The following CLIC5 variants were observed in gnomAD, a reference collection of about 807,000 sequenced individuals.
CLIC5 encodes CLIC family member 5.
Under a neutral mutation model 24.7 loss-of-function variants are expected in CLIC5, and 20 were observed. The ratio of observed to expected loss-of-function variants is 0.81; its 90% confidence interval spans 0.57 to 1.18. CLIC5 has a LOEUF of 1.18. CLIC5 is among the 50% of genes most tolerant of loss of function. The pLI is 0.00. For synonymous variants in CLIC5, 159 were observed against 135.6 expected, an observed-to-expected ratio of 1.17 and a Z score of -1.20; for missense variants, 341 against 326.1, an observed-to-expected ratio of 1.05 and a Z score of -0.35.
At chr6:46,047,919 C>T (rs1352078175) in intron 1 of CLIC5, among the ~76,000 whole-genome samples, 1 of 151,694 alleles carries the variant, frequency 6.6e-6, no homozygotes, top group Non-Finnish European at 1.5e-5. Flanking sequence ...TTTTTGATAT[C>T]TGTGGTATAT....
intron 1 of CLIC5, among the ~76,000 whole-genome samples, chr6:46,064,557 A>G (rs1762389168): frequency 6.6e-6 from 1 of 152,184 alleles, no homozygotes; most frequent in African/African-American, 2.4e-5. Context: ...CATTCTACAT[A>G]TCAACAACAT....
At chr6:45,949,117 C>G (rs1764382411) in intron 3 of CLIC5, 139 bp downstream of exon 3, 2 of 1,167,780 alleles carry the variant, frequency 1.7e-6, no homozygotes, top group African/African-American at 3.1e-5. Flanking sequence ...CCTAGGCTCT[C>G]TCTTTGAAGA....
At chr6:45,959,426 T>C (rs770207005) in intron 1 of CLIC5, among the ~76,000 whole-genome samples, 82 of 152,240 alleles carry the variant, frequency 5.4e-4, no homozygotes, top group Non-Finnish European at 8.2e-4. Context: ...AGTGGCAATG[T>C]TTTATATTTT....
chr6:45,938,407 C>T (rs943900074), intron 4 of CLIC5, among the ~76,000 whole-genome samples: 7 of 151,972 alleles, frequency 4.6e-5, no homozygotes, highest in African/African-American at 1.7e-4. Flanking sequence ...GGAGGAAGGA[C>T]AAGTAAAGAG....
At chr6:45,925,331 T>G (rs1561937480) in intron 4 of CLIC5, among the ~76,000 whole-genome samples, 1 of 151,866 alleles carries the variant, frequency 6.6e-6, no homozygotes, top group Non-Finnish European at 1.5e-5. Flanking sequence ...TTTTTTTTTT[T>G]TTTGAGATAG....
At chr6:45,940,962 T>C (rs1764108627) in intron 4 of CLIC5, among the ~76,000 whole-genome samples, 1 of 152,214 alleles carries the variant, frequency 6.6e-6, no homozygotes, top group Non-Finnish European at 1.5e-5. Flanking sequence ...AACCAAGTCC[T>C]GAATTCTGTA....
chr6:46,040,269 G>A (rs1767770124), intron 1 of CLIC5, among the ~76,000 whole-genome samples: 1 of 152,120 alleles, frequency 6.6e-6, no homozygotes, highest in South Asian at 2.1e-4. Flanking sequence ...GTTTGTTGGT[G>A]GTGTTGTTGA....
chr6:45,975,594 G>A lies in CLIC5; in HGVS notation c.64-20350C>T, dbSNP rs369306292. ...TTTCTGTCTAGGTCTCTATCAATAT[G>A]GACATTTATTTTAAATATATATGTA... On this transcript the variant is annotated intron_variant, in intron 1 of 5. Transcript: ENST00000339561. Among the ~76,000 whole-genome samples, 103 of 152,028 alleles carry A rather than the reference G, an allele frequency of 6.8e-4. 1 individual carries two copies. The South Asian group carries it at 0.019, about 28-fold the overall frequency.
intron 5 of CLIC5, among the ~76,000 whole-genome samples, chr6:45,911,425 G>C (rs1248197086): frequency 6.6e-6 from 1 of 152,182 alleles, no homozygotes; most frequent in Admixed American, 6.5e-5. Context: ...TTCACTGAAA[G>C]ATGATGATCC....
chr6:45,920,115 C>G (rs1394388407), intron 4 of CLIC5: 1 of 958,476 alleles, frequency 1.0e-6, no homozygotes, highest in East Asian at 1.2e-4. Context: ...CATGACTCCC[C>G]CATGCCTTAC....
At chr6:46,079,627 G>A (rs946038341) in intron 1 of CLIC5, 2 of 1,244,422 alleles carry the variant, frequency 1.6e-6, no homozygotes, top group Non-Finnish European at 2.2e-6. Flanking sequence ...ATCTTTCCCT[G>A]GTCATTCAGA....
At chr6:45,970,585 G>A (rs1405056948) in intron 1 of CLIC5, among the ~76,000 whole-genome samples, 1 of 152,108 alleles carries the variant, frequency 6.6e-6, no homozygotes, top group African/African-American at 2.4e-5. Context: ...AATAGTCCAG[G>A]CCCTCACCCA....
At chr6:45,940,447 A>G (rs566886611) in intron 4 of CLIC5, among the ~76,000 whole-genome samples, 1 of 152,284 alleles carries the variant, frequency 6.6e-6, no homozygotes, top group Admixed American at 6.5e-5. Flanking sequence ...TGAATTATTT[A>G]CTTCCCGATA....
intron 1 of CLIC5, among the ~76,000 whole-genome samples, chr6:46,025,264 C>G (rs535014303): frequency 5.3e-5 from 8 of 152,252 alleles, no homozygotes; most frequent in Admixed American, 2.6e-4. Context: ...AACACAGTGA[C>G]TGACCCATAA....
At chr6:45,954,076 C>G (rs1022737356) in intron 2 of CLIC5, among the ~76,000 whole-genome samples, 10 of 151,790 alleles carry the variant, frequency 6.6e-5, no homozygotes, top group African/African-American at 2.4e-4. Context: ...GAGTTCAAGA[C>G]CAGCCTGGCC....
intron 1 of CLIC5, among the ~76,000 whole-genome samples, chr6:45,980,836 C>A (rs1445872480): frequency 6.6e-6 from 1 of 152,110 alleles, no homozygotes; most frequent in African/African-American, 2.4e-5. Context: ...AAATTGTCTT[C>A]TTCCACTCTC....
At chr6:46,034,218 C>T (rs911843976) in intron 1 of CLIC5, among the ~76,000 whole-genome samples, 11 of 152,184 alleles carry the variant, frequency 7.2e-5, no homozygotes, top group Non-Finnish European at 1.5e-4. Context: ...CTCCCATCAC[C>T]ATATATTCTG....
At chr6:46,094,189 CATTGGGGATTACA>C in the CLIC5 span, among the ~76,000 whole-genome samples, 1 of 152,234 alleles carries the variant, frequency 6.6e-6, no homozygotes, top group South Asian at 2.1e-4. Context: ...CCATCACCAA[CATTGGGGATTACA>C]ATTAGACATG....
chr6:46,053,606 G>A (rs889431988), intron 1 of CLIC5, among the ~76,000 whole-genome samples: 1 of 152,170 alleles, frequency 6.6e-6, no homozygotes, highest in Non-Finnish European at 1.5e-5. Context: ...GTTGAGGTCG[G>A]TATTAATGAT....
Sources: gnomAD v4.1 joint callset for allele counts (sites outside exome capture counted in the v4.1 genomes callset) on GRCh38, gnomAD v4.1.1 for gene constraint, MANE v1.5 for transcripts, NCBI Gene and HGNC (gene_info 2026-07-23, HGNC 2026-07-21) for gene names.